Variants in RBM17 observed in about 807,000 individuals in gnomAD.
The protein encoded by RBM17 is splicing factor 45.
A neutral mutation model predicts 53.2 loss-of-function variants in RBM17; 7 were observed. The ratio of observed to expected loss-of-function variants is 0.13; its 90% CI spans 0.07 to 0.25. The LOEUF (loss-of-function observed/expected upper bound fraction) is 0.25, where lower values mean the gene tolerates loss of function less well. Ranked by LOEUF, RBM17 falls within the 10% of genes least tolerant of loss-of-function variation. The pLI is 1.00. For missense variants in RBM17, 257 were observed against 496.7 expected (o/e 0.52, Z 4.59); for synonymous variants, 167 against 178.1 (o/e 0.94, Z 0.50).
At chr10:6,097,728 T>C (rs1840597263) in intron 2 of RBM17, among the ~76,000 whole-genome samples, 1 of 152,232 alleles carries the variant, frequency 6.6e-6, no homozygotes, top group Non-Finnish European at 1.5e-5. Flanking sequence ...GTGACACTGC[T>C]TTTCAAACTT....
rs1185908688 is a variant in RBM17 at position 6,089,560 on chromosome 10, G to A, written c.-19+367G>A. 2.0e-5 allele frequency: 3 copies of A among 152,802 alleles called. No individual in the cohort carries two copies. Among genetic ancestry groups the A allele is most frequent in the Non-Finnish European group, 4.4e-5 (3 of 68,380 alleles). 9.5% of individuals were successfully genotyped at this position (152,802 alleles called of 1,614,324 possible). On this transcript the variant is annotated intron_variant, in intron 1 of 11. Transcript: ENST00000379888. This position sits in a 1 kb window ranked among gnomAD's most constrained non-coding sequence, Gnocchi z 5.6. ...ATTGTCTGGTCACCAGAACCGAGTA[G>A]CCCGTAGCGTGTCCCCCCTGGCCCT... is the stretch of plus-strand genomic sequence containing the variant.
At chr10:6,115,341 A>G (rs1840898180) in intron 11 of RBM17, 30 bp downstream of exon 11, 2 of 1,582,096 alleles carry the variant, frequency 1.3e-6, no homozygotes, top group Non-Finnish European at 8.7e-7. Context: ...ATTAAAGAAT[A>G]AAAAAGTTGA....
At chr10:6,101,594 A>T (rs1207102723) in intron 3 of RBM17, among the ~76,000 whole-genome samples, 1 of 152,252 alleles carries the variant, frequency 6.6e-6, no homozygotes, top group Non-Finnish European at 1.5e-5. Context: ...AAAATCAGAA[A>T]CTAGAGATAC....
chr10:6,092,789 A>G (rs1840506281), intron 1 of RBM17, among the ~76,000 whole-genome samples: 1 of 152,240 alleles, frequency 6.6e-6, no homozygotes, highest in South Asian at 2.1e-4. Flanking sequence ...GTTACAGAAA[A>G]CTAGCAGGTG....
chr10:6,106,856 G>C (rs1840756397), intron 5 of RBM17, among the ~76,000 whole-genome samples: 2 of 152,180 alleles, frequency 1.3e-5, no homozygotes, highest in Admixed American at 6.5e-5. Context: ...TCATGATAGG[G>C]AGGTAGTGGC....
At chr10:6,108,630 G>A (rs41295243) in intron 5 of RBM17, 56 bp from the exon 6 acceptor site, 3 of 1,417,452 alleles carry the variant, frequency 2.1e-6, no homozygotes, top group East Asian at 2.3e-5. Flanking sequence ...TGTCATAGTC[G>A]TTTGGGAGTC....
intron 2 of RBM17, among the ~76,000 whole-genome samples, chr10:6,098,129 T>C (rs1840604661): frequency 6.6e-6 from 1 of 152,226 alleles, no homozygotes; most frequent in Non-Finnish European, 1.5e-5. Context: ...AATGGTATTA[T>C]GGTTTGTTTA....
At chr10:6,108,596 GGGGT>G in intron 5 of RBM17, 86 bp from the exon 6 acceptor site, 1 of 964,892 alleles carries the variant, frequency 1.0e-6, no homozygotes, top group Non-Finnish European at 1.6e-6. Context: ...TTTTCTTAGG[GGGGT>G]GGGTGATAGA....
Position 6,113,548 on chromosome 10 carries a change from A to C in RBM17, c.897A>C (p.Ile299=). ...CAGATTCAAATCCGCTGACTGAAAT[A>C]CTTAAGTGTCCTACTAAAGTGGTCT... ...KKSDSNPLTE[I]LKCPTKVVLL... Residue 299 remains isoleucine (I), a synonymous_variant, in exon 9 of 12, where the codon ATA becomes ATC. Coordinates refer to ENST00000379888, the MANE Select transcript of RBM17 (RefSeq NM_032905.5). 1 of 1,613,476 alleles carries C rather than the reference A, an allele frequency of 6.2e-7. No individual in the cohort carries two copies. Among genetic ancestry groups the C allele is most frequent in the Non-Finnish European group, 8.5e-7 (1 of 1,179,446 alleles).
chr10:6,114,395 T>C (rs1840884437), intron 10 of RBM17: 3 of 373,084 alleles, frequency 8.0e-6, no homozygotes, highest in South Asian at 7.1e-5. Context: ...ACTGAAGACC[T>C]TGATTCTAGC....
At chr10:6,104,352 G>A (rs916020521) in intron 3 of RBM17, among the ~76,000 whole-genome samples, 3 of 152,194 alleles carry the variant, frequency 2.0e-5, no homozygotes, top group Non-Finnish European at 4.4e-5. Context: ...TTATGATGCT[G>A]GAAGGGACAT....
intron 1 of RBM17, among the ~76,000 whole-genome samples, chr10:6,092,772 G>A (rs1277588808): frequency 1.3e-5 from 2 of 152,220 alleles, no homozygotes. Flanking sequence ...GATTTTATAA[G>A]CTCAATGTTA....
chr10:6,106,720 T>C (rs1840753423), intron 5 of RBM17, among the ~76,000 whole-genome samples: 1 of 152,214 alleles, frequency 6.6e-6, no homozygotes, highest in African/African-American at 2.4e-5. Flanking sequence ...TTTTCCAGCT[T>C]ATAAATTGAC....
At chr10:6,115,374 A>C in intron 11 of RBM17, 63 bp downstream of exon 11, 1 of 1,531,846 alleles carries the variant, frequency 6.5e-7, no homozygotes, top group South Asian at 1.1e-5. Flanking sequence ...AATCTTTACA[A>C]GTAAAGTTAC....
intron 1 of RBM17, among the ~76,000 whole-genome samples, chr10:6,096,083 A>C (rs142224374): frequency 1.3e-4 from 20 of 152,258 alleles, no homozygotes; most frequent in African/African-American, 4.6e-4. Context: ...TTTACTTGCA[A>C]TTTGTGGGTT....
intron 9 of RBM17, chr10:6,113,798 G>T (rs1840873019): frequency 1.7e-6 from 1 of 582,812 alleles, no homozygotes; most frequent in African/African-American, 1.9e-5. Flanking sequence ...TTAAATATTT[G>T]AAATTGCTAG....
intron 6 of RBM17, 118 bp downstream of exon 6, chr10:6,108,860 G>A: frequency 2.4e-6 from 1 of 420,098 alleles, no homozygotes; most frequent in Non-Finnish European, 4.3e-6. Flanking sequence ...CTGCAAGCCT[G>A]CCTGGCTCTG....
At chr10:6,097,553 G>A (rs1230837967) in intron 2 of RBM17, among the ~76,000 whole-genome samples, 2 of 152,200 alleles carry the variant, frequency 1.3e-5, no homozygotes, top group South Asian at 2.1e-4. Flanking sequence ...CACCTGTACT[G>A]CCAGCTACTC....
chr10:6,104,973 C>A lies in RBM17; in HGVS notation c.283C>A (p.Pro95Thr). Residue 95 changes from proline to threonine, a missense_variant, in exon 4 of 12, where the codon CCC becomes ACC. Physicochemically the swap from Pro to Thr is conservative, Grantham distance 38. Around this residue, in one of 6 missense-constraint regions of RBM17, gnomAD observed 127 missense variants for 217.2 expected, o/e 0.58. Transcript: ENST00000379888. ...SGFSAGEVLI[P>T]LADEYDPMFP... ...GTTTTCTGCAGGGGAAGTTCTGATTCCCTTAGCTGACGAATATGACCCTAT... is the reference window on the plus strand; with the variant it reads ...GTTTTCTGCAGGGGAAGTTCTGATTACCTTAGCTGACGAATATGACCCTAT... The A allele has an allele frequency of 6.2e-7, 1 of 1,613,944 alleles. No homozygotes were observed. Among genetic ancestry groups the A allele is most frequent in the Non-Finnish European group, 8.5e-7 (1 of 1,179,882 alleles).
Sources: allele counts gnomAD v4.1 joint callset (sites outside exome capture counted in the v4.1 genomes callset), GRCh38; gene constraint gnomAD v4.1.1; regional missense constraint gnomAD v4.1.1; non-coding constraint Gnocchi (gnomAD v3.1); transcripts MANE v1.5; gene names NCBI Gene and HGNC (gene_info 2026-07-23, HGNC 2026-07-21).